The following JMJD1C variants were observed in gnomAD, a reference collection of about 807,000 sequenced individuals.
JMJD1C encodes the protein jumonji domain containing 1C.
JMJD1C carries 31 observed loss-of-function variants against 245.3 expected under a neutral mutation model. The observed-to-expected ratio is 0.13, with a 90% CI of 0.09 to 0.17. The LOEUF is 0.17. Ranked by LOEUF, JMJD1C falls within the 10% of genes least tolerant of loss-of-function variation. JMJD1C has a pLI of 1.00. For synonymous variants in JMJD1C, 1,057 were observed against 1,017.4 expected (o/e 1.04, Z -0.74); for missense variants, 2,691 against 3,000.2 (o/e 0.90, Z 2.41).
intron 3 of JMJD1C, among the ~76,000 whole-genome samples, chr10:63,230,625 C>T (rs956211391): frequency 6.6e-6 from 1 of 151,534 alleles, no homozygotes; most frequent in Non-Finnish European, 1.5e-5. Context: ...ATTACAAAAA[C>T]TTAGCTGGGT....
At chr10:63,351,069 CAG>C (rs1361740298) in intron 2 of JMJD1C, among the ~76,000 whole-genome samples, 2 of 150,508 alleles carry the variant, frequency 1.3e-5, no homozygotes, top group Non-Finnish European at 3.0e-5. Flanking sequence ...CCTTAACAAA[CAG>C]AAATTTTTCT....
chr10:63,224,859 C>T (rs1849051463), intron 3 of JMJD1C, among the ~76,000 whole-genome samples: 1 of 151,862 alleles, frequency 6.6e-6, no homozygotes, highest in South Asian at 2.1e-4. Context: ...GTCAGGAGTT[C>T]GAGACCATCC....
intron 1 of JMJD1C, among the ~76,000 whole-genome samples, chr10:63,399,857 G>A (rs1216282350): frequency 6.7e-6 from 1 of 149,704 alleles, no homozygotes; most frequent in Non-Finnish European, 1.5e-5. Flanking sequence ...TAGAAAACAA[G>A]GTATATTCGG....
At chr10:63,191,509 T>A (rs1470441013) in intron 16 of JMJD1C, among the ~76,000 whole-genome samples, 1 of 152,148 alleles carries the variant, frequency 6.6e-6, no homozygotes, top group African/African-American at 2.4e-5. Flanking sequence ...TACTGTGAGA[T>A]AAAAACTGAA....
At chr10:63,418,785 A>C (rs1158066988) in intron 1 of JMJD1C, among the ~76,000 whole-genome samples, 1 of 152,172 alleles carries the variant, frequency 6.6e-6, no homozygotes, top group African/African-American at 2.4e-5. Flanking sequence ...GACCATTAAA[A>C]ATCTAGATAA....
chr10:63,401,477 C>G (rs753862420), intron 1 of JMJD1C, among the ~76,000 whole-genome samples: 2 of 152,122 alleles, frequency 1.3e-5, no homozygotes, highest in African/African-American at 4.8e-5. Context: ...GAACTCTTGG[C>G]TTCATGCAAT....
rs1364671440 is a variant in JMJD1C, at chr10:63,319,245, A to T, written c.334-54481T>A. The stretch of plus-strand genomic sequence containing the variant: ...GCACTCCAGCCTGGGCGACAGAGCG[A>T]GACTCCATCTAAAAAAAAAAAAAAA... On this transcript the variant is annotated intron_variant, in intron 2 of 25. Transcript: ENST00000399262. Among the ~76,000 whole-genome samples the T allele has an allele frequency of 2.9e-4, 39 of 133,856 alleles. No individual in the cohort carries two copies. In the East Asian group the frequency reaches 9.5e-3, roughly 33 times the overall value. 87.8% of individuals were successfully genotyped at this position (133,856 alleles called of 152,430 possible). A position where few individuals can be genotyped will look rare whatever the true frequency, so the allele number is the denominator to read the frequency against.
At chr10:63,239,202 G>C (rs1448406134) in intron 3 of JMJD1C, among the ~76,000 whole-genome samples, 1 of 152,122 alleles carries the variant, frequency 6.6e-6, no homozygotes, top group Non-Finnish European at 1.5e-5. Flanking sequence ...AGAATAGATG[G>C]GTGAAACAAT....
chr10:63,463,397 C>A (rs1952936495), intron 1 of JMJD1C, among the ~76,000 whole-genome samples: 2 of 152,138 alleles, frequency 1.3e-5, no homozygotes, highest in South Asian at 4.1e-4. Context: ...AAAACTCCTG[C>A]GCTCAAGTAT....
intron 1 of JMJD1C, among the ~76,000 whole-genome samples, chr10:63,495,619 A>G (rs942213576): frequency 6.6e-6 from 1 of 152,072 alleles, no homozygotes; most frequent in Non-Finnish European, 1.5e-5. Flanking sequence ...CTAAAAATAC[A>G]AAAATTACTG....
At chr10:63,191,508 A>G (rs1348838944) in intron 16 of JMJD1C, among the ~76,000 whole-genome samples, 1 of 152,200 alleles carries the variant, frequency 6.6e-6, no homozygotes, top group Non-Finnish European at 1.5e-5. Context: ...CTACTGTGAG[A>G]TAAAAACTGA....
chr10:63,411,323 G>T (rs1949461083), intron 1 of JMJD1C, among the ~76,000 whole-genome samples: 1 of 140,642 alleles, frequency 7.1e-6, no homozygotes, highest in Admixed American at 7.4e-5. Context: ...TTTTGAGACG[G>T]AGTCTCGCTC....
intron 2 of JMJD1C, among the ~76,000 whole-genome samples, chr10:63,265,624 C>A (rs1380562333): frequency 6.6e-6 from 1 of 152,108 alleles, no homozygotes; most frequent in Non-Finnish European, 1.5e-5. Flanking sequence ...ATTCATGGTA[C>A]TGTTCTAAAA....
At chr10:63,321,636 T>C (rs1589471909) in intron 2 of JMJD1C, among the ~76,000 whole-genome samples, 2 of 152,170 alleles carry the variant, frequency 1.3e-5, no homozygotes, top group Non-Finnish European at 1.5e-5. Flanking sequence ...GAGAACTGTC[T>C]GGGTAAGAGG....
At chr10:63,312,177 G>T (rs1939314216) in intron 2 of JMJD1C, among the ~76,000 whole-genome samples, 1 of 148,220 alleles carries the variant, frequency 6.7e-6, no homozygotes, top group African/African-American at 2.5e-5. Flanking sequence ...GCACGATCTC[G>T]GCTCACCACA....
intron 2 of JMJD1C, among the ~76,000 whole-genome samples, chr10:63,273,952 C>T (rs1856557513): frequency 6.6e-6 from 1 of 152,066 alleles, no homozygotes; most frequent in Non-Finnish European, 1.5e-5. Flanking sequence ...TTATCTTGGG[C>T]CATGAAAAGA....
At chr10:63,222,620 G>C in intron 3 of JMJD1C, 1 of 1,588,648 alleles carries the variant, frequency 6.3e-7, no homozygotes, top group Non-Finnish European at 8.6e-7. Context: ...CTCACATGCT[G>C]AATTTTTGGA....
intron 1 of JMJD1C, among the ~76,000 whole-genome samples, chr10:63,505,766 CAG>C (rs1189484067): frequency 6.6e-6 from 1 of 150,748 alleles, no homozygotes; most frequent in African/African-American, 2.4e-5. Context: ...GTAAAACAAA[CAG>C]GGATGCAAAT....
chr10:63,394,187 CAAA>C (rs35007475), intron 1 of JMJD1C, among the ~76,000 whole-genome samples: 1 of 80,138 alleles, frequency 1.2e-5, no homozygotes. Flanking sequence ...ACTCCGTCTC[CAAA>C]AAAAAAAAAA....
Sources: gnomAD v4.1 joint callset for allele counts (sites outside exome capture counted in the v4.1 genomes callset) on GRCh38, gnomAD v4.1.1 for gene constraint, MANE v1.5 for transcripts, NCBI Gene and HGNC (gene_info 2026-07-23, HGNC 2026-07-21) for gene names.